Variants in TMEM232 observed in about 807,000 individuals in gnomAD.
The protein encoded by TMEM232 is transmembrane protein 232.
In TMEM232, 80 loss-of-function variants were observed where a neutral mutation model predicts 78.8. The observed-to-expected ratio is 1.01, with a 90% confidence interval of 0.85 to 1.22. The LOEUF (loss-of-function observed/expected upper bound fraction) is 1.22. Ranked by LOEUF, TMEM232 falls within the 50% of genes most tolerant of loss-of-function variation. TMEM232 has a pLI of 0.00. For synonymous variants in TMEM232, 297 were observed against 254.3 expected (o/e 1.17, Z -1.60); for missense variants, 881 against 742.2 (o/e 1.19, Z -2.17).
intron 11 of TMEM232, among the ~76,000 whole-genome samples, chr5:110,547,053 A>C (rs1773866785): frequency 1.3e-5 from 2 of 152,076 alleles, no homozygotes; most frequent in Non-Finnish European, 1.5e-5. Flanking sequence ...AGATGTGCTT[A>C]ATTCAACTTA....
At chr5:110,655,717 T>A (rs894384774) in intron 2 of TMEM232, among the ~76,000 whole-genome samples, 6 of 151,752 alleles carry the variant, frequency 4.0e-5, no homozygotes, top group Middle Eastern at 3.4e-3. Context: ...CATGGAATAC[T>A]ATGCAGCCAT....
At chr5:110,478,197 G>T (rs1475269449) in intron 12 of TMEM232, among the ~76,000 whole-genome samples, 5 of 151,844 alleles carry the variant, frequency 3.3e-5, no homozygotes, top group Admixed American at 6.6e-5. Flanking sequence ...GCTGCTATAT[G>T]GTTCTCACTT....
At chr5:110,587,545 A>AG (rs1778958609) in intron 10 of TMEM232, among the ~76,000 whole-genome samples, 3 of 151,692 alleles carry the variant, frequency 2.0e-5, no homozygotes, top group Non-Finnish European at 4.4e-5. Context: ...AGTTGCCAAC[A>AG]CACCAGCCAT....
chr5:110,651,865 C>T (rs1788354089), intron 2 of TMEM232, among the ~76,000 whole-genome samples: 1 of 152,012 alleles, frequency 6.6e-6, no homozygotes, highest in South Asian at 2.1e-4. Context: ...CCTCTAAAGC[C>T]TATAAAAATC....
chr5:110,489,626 C>T (rs1764819659), intron 12 of TMEM232, among the ~76,000 whole-genome samples: 1 of 152,046 alleles, frequency 6.6e-6, no homozygotes, highest in South Asian at 2.1e-4. Context: ...CTTGCTACTT[C>T]TATTCAATAT....
intron 10 of TMEM232, among the ~76,000 whole-genome samples, chr5:110,591,478 A>G (rs1454834135): frequency 6.6e-6 from 1 of 152,200 alleles, no homozygotes; most frequent in East Asian, 1.9e-4. Flanking sequence ...CATTACAAAA[A>G]GAAATACTTC....
At chr5:110,661,947 T>C (rs920342481) in intron 2 of TMEM232, among the ~76,000 whole-genome samples, 10 of 152,178 alleles carry the variant, frequency 6.6e-5, no homozygotes, top group African/African-American at 2.2e-4. Flanking sequence ...ATGTCTTTTT[T>C]TGAGAAATGT....
chr5:110,454,182 C>T (rs1453290963), intron 12 of TMEM232, among the ~76,000 whole-genome samples: 1 of 152,084 alleles, frequency 6.6e-6, no homozygotes, highest in African/African-American at 2.4e-5. Context: ...ATAGAATATT[C>T]TAACAACAGC....
intron 1 of TMEM232, among the ~76,000 whole-genome samples, chr5:110,673,369 G>C (rs1791613704): frequency 6.6e-6 from 1 of 151,720 alleles, no homozygotes; most frequent in Admixed American, 6.6e-5. Context: ...CGAGTTAATG[G>C]GTGCAGCACA....
chr5:110,633,254 G>A (rs1211670661), intron 5 of TMEM232, among the ~76,000 whole-genome samples: 1 of 152,150 alleles, frequency 6.6e-6, no homozygotes, highest in Non-Finnish European at 1.5e-5. Context: ...AAACCTGGAA[G>A]AGGAAAGATG....
chr5:110,528,538 T>C, intron 12 of TMEM232, 50 bp downstream of exon 12: 1 of 1,406,720 alleles, frequency 7.1e-7, no homozygotes, highest in Non-Finnish European at 9.2e-7. Flanking sequence ...TTTCTGTGAT[T>C]TTGAATTGTA....
chr5:110,422,428 G>A (rs1009475353), intron 13 of TMEM232, among the ~76,000 whole-genome samples: 1 of 145,988 alleles, frequency 6.8e-6, no homozygotes, highest in Non-Finnish European at 1.5e-5. Context: ...GCTGAGGCAG[G>A]AGAATGGCAT....
chr5:110,437,371 AAAC>A (rs1337571804), intron 12 of TMEM232, among the ~76,000 whole-genome samples: 1 of 151,846 alleles, frequency 6.6e-6, no homozygotes, highest in Admixed American at 6.6e-5. Context: ...TAAATATTCA[AAAC>A]AATATAAAAA....
At chr5:110,477,688 T>C (rs970827507) in intron 12 of TMEM232, among the ~76,000 whole-genome samples, 2 of 151,846 alleles carry the variant, frequency 1.3e-5, no homozygotes, top group African/African-American at 4.8e-5. Flanking sequence ...TCTTCTTTTA[T>C]AAACTGCTTA....
intron 12 of TMEM232, among the ~76,000 whole-genome samples, chr5:110,514,634 T>C (rs1768329728): frequency 6.6e-6 from 1 of 152,142 alleles, no homozygotes; most frequent in African/African-American, 2.4e-5. Context: ...AATAAGCATA[T>C]TTCACATAGT....
At chr5:110,462,209 A>G (rs570311100) in intron 12 of TMEM232, among the ~76,000 whole-genome samples, 3 of 152,320 alleles carry the variant, frequency 2.0e-5, no homozygotes, top group Middle Eastern at 6.8e-3. Flanking sequence ...TCAAAACATC[A>G]ACATCAATAG....
At chr5:110,694,942 C>A (rs1161050520) in intron 1 of TMEM232, among the ~76,000 whole-genome samples, 1 of 152,142 alleles carries the variant, frequency 6.6e-6, no homozygotes, top group Non-Finnish European at 1.5e-5. Flanking sequence ...CAGCTCTGCA[C>A]CAAGAGGACT....
intron 12 of TMEM232, among the ~76,000 whole-genome samples, chr5:110,523,241 A>T (rs1769813318): frequency 6.6e-6 from 1 of 152,042 alleles, no homozygotes; most frequent in Non-Finnish European, 1.5e-5. Context: ...TGTGGCATCA[A>T]CTGTAGCGTC....
At chr5:110,409,555 T>C (rs571109525) in intron 2 of TMEM232, among the ~76,000 whole-genome samples, 156 of 152,346 alleles carry the variant, frequency 1.0e-3, no homozygotes, top group African/African-American at 3.4e-3. Flanking sequence ...ACAGTCTGAG[T>C]TGCTGTTGCC....
Sources: allele counts gnomAD v4.1 joint callset (sites outside exome capture counted in the v4.1 genomes callset), GRCh38; gene constraint gnomAD v4.1.1; transcripts MANE v1.5; gene names NCBI Gene and HGNC (gene_info 2026-07-23, HGNC 2026-07-21).